SPRED1: variants seen among roughly 807,000 people sequenced by gnomAD.
The protein encoded by SPRED1 is sprouty-related, EVH1 domain-containing protein 1.
SPRED1 carries 18 observed loss-of-function variants against 52.3 expected under a neutral mutation model. The observed-to-expected ratio is 0.34, with a 90% CI of 0.24 to 0.51. The LOEUF is 0.51. SPRED1 is among the 20% of genes least tolerant of loss of function. The pLI, the probability that SPRED1 is intolerant of heterozygous loss-of-function variation, is 0.97. For missense variants in SPRED1, 485 were observed against 551.0 expected, an observed-to-expected ratio of 0.88 and a Z score of 1.20; for synonymous variants, 155 against 179.7, an observed-to-expected ratio of 0.86 and a Z score of 1.10.
At chr15:38,325,788 GACCA>G (rs1432793339) in intron 4 of SPRED1, among the ~76,000 whole-genome samples, 2 of 152,208 alleles carry the variant, frequency 1.3e-5, no homozygotes, top group East Asian at 3.9e-4. Context: ...CTTAATAGAT[GACCA>G]GTTGTGGCAT....
intron 5 of SPRED1, among the ~76,000 whole-genome samples, chr15:38,349,042 G>T (rs1474997498): frequency 2.0e-5 from 3 of 151,994 alleles, no homozygotes; most frequent in African/African-American, 7.2e-5. Flanking sequence ...ATCAGTCATT[G>T]CCCCTCCTTC....
intron 2 of SPRED1, among the ~76,000 whole-genome samples, chr15:38,309,554 T>C (rs370604069): frequency 6.6e-6 from 1 of 152,352 alleles, no homozygotes; most frequent in East Asian, 1.9e-4. Flanking sequence ...TGTCTTTTCA[T>C]CTTCTGAACA....
intron 1 of SPRED1, among the ~76,000 whole-genome samples, chr15:38,255,761 C>T (rs1330993049): frequency 6.6e-6 from 1 of 152,062 alleles, no homozygotes; most frequent in Non-Finnish European, 1.5e-5. Context: ...TGCCCTGTAA[C>T]ATGGATTTTA....
chr15:38,315,578 T>C (rs138937257), intron 2 of SPRED1, among the ~76,000 whole-genome samples: 2 of 147,194 alleles, frequency 1.4e-5, no homozygotes, highest in East Asian at 4.0e-4. Context: ...GTTTCTCCCC[T>C]TTTTTCCCCC....
chr15:38,329,635 A>G (rs1199458580), intron 4 of SPRED1, among the ~76,000 whole-genome samples: 2 of 152,206 alleles, frequency 1.3e-5, no homozygotes, highest in Non-Finnish European at 2.9e-5. Flanking sequence ...AACTTTTTGC[A>G]TAATGTTATT....
chr15:38,338,373 A>G (rs924524943), intron 4 of SPRED1, among the ~76,000 whole-genome samples: 1 of 142,518 alleles, frequency 7.0e-6, no homozygotes, highest in African/African-American at 2.6e-5. Flanking sequence ...ATTTATTTTC[A>G]GAAATCTCTG....
At chr15:38,334,344 A>G (rs1224060118) in intron 4 of SPRED1, among the ~76,000 whole-genome samples, 2 of 152,022 alleles carry the variant, frequency 1.3e-5, no homozygotes, top group Non-Finnish European at 2.9e-5. Context: ...AATACAGAGA[A>G]ACACAGAGGA....
chr15:38,256,899 C>T (rs984487185), intron 1 of SPRED1, among the ~76,000 whole-genome samples: 8 of 152,004 alleles, frequency 5.3e-5, no homozygotes, highest in African/African-American at 9.7e-5. Context: ...ATTAAGCCAT[C>T]TAATGTTTGT....
At chr15:38,309,387 C>T (rs931402666) in intron 2 of SPRED1, among the ~76,000 whole-genome samples, 3 of 152,192 alleles carry the variant, frequency 2.0e-5, no homozygotes, top group Admixed American at 6.5e-5. Flanking sequence ...GTGATCTGCC[C>T]GCCTTAGCCT....
chr15:38,287,264 T>C (rs533339719), intron 1 of SPRED1, among the ~76,000 whole-genome samples: 1 of 152,288 alleles, frequency 6.6e-6, no homozygotes, highest in East Asian at 1.9e-4. Flanking sequence ...CATTTATTTG[T>C]CTAGTTATCT....
At chr15:38,267,888 A>G (rs1224262813) in intron 1 of SPRED1, among the ~76,000 whole-genome samples, 1 of 152,210 alleles carries the variant, frequency 6.6e-6, no homozygotes, top group Non-Finnish European at 1.5e-5. Context: ...CAGTGTACAT[A>G]CACGCACGTA....
intron 5 of SPRED1, among the ~76,000 whole-genome samples, chr15:38,343,528 A>C (rs1040296885): frequency 6.6e-6 from 1 of 152,150 alleles, no homozygotes; most frequent in African/African-American, 2.4e-5. Context: ...AGTTAACGAA[A>C]TTGAAACTTG....
chr15:38,335,523 A>G (rs892046300), intron 4 of SPRED1, among the ~76,000 whole-genome samples: 6 of 148,720 alleles, frequency 4.0e-5, no homozygotes, highest in African/African-American at 1.2e-4. Flanking sequence ...CATATTCTGC[A>G]TGAATTCAGA....
At chr15:38,286,226 CAA>C (rs368405955) in intron 1 of SPRED1, among the ~76,000 whole-genome samples, 41 of 89,584 alleles carry the variant, frequency 4.6e-4, no homozygotes, top group African/African-American at 1.6e-3. Context: ...ACTCCAGCCT[CAA>C]AAAAAAAAAA....
chr15:38,329,582 T>G (rs1029352646), intron 4 of SPRED1, among the ~76,000 whole-genome samples: 1 of 152,066 alleles, frequency 6.6e-6, no homozygotes, highest in Non-Finnish European at 1.5e-5. Context: ...TTAGGTTGAG[T>G]TTTATTTATT....
At chr15:38,335,790 G>T (rs1440660012) in intron 4 of SPRED1, among the ~76,000 whole-genome samples, 2 of 151,852 alleles carry the variant, frequency 1.3e-5, no homozygotes, top group Non-Finnish European at 2.9e-5. Context: ...GAATAGAATT[G>T]ATGCTAAACC....
chr15:38,306,427 G>GT (rs1895250889), intron 2 of SPRED1, among the ~76,000 whole-genome samples: 1 of 152,134 alleles, frequency 6.6e-6, no homozygotes. Flanking sequence ...GGAAAACTGG[G>GT]TTAAAGCACC....
At chr15:38,259,185 C>T (rs964461329) in intron 1 of SPRED1, among the ~76,000 whole-genome samples, 1 of 152,152 alleles carries the variant, frequency 6.6e-6, no homozygotes, top group African/African-American at 2.4e-5. Flanking sequence ...TTAAGACTTA[C>T]TTTGGGCTTA....
In SPRED1 at chr15:38,355,311, T is replaced by A. The variant is rs186366365; in HGVS notation, c.*3647T>A. On this transcript the variant is annotated 3_prime_UTR_variant, in exon 7 of 7. Transcript: ENST00000299084. Reference sequence around the variant, plus strand: ...GGGGTTAAAATCTAAAGGGAAAAACTTGAAACTACCTATTTTCATTGGTTA... The same window carrying A: ...GGGGTTAAAATCTAAAGGGAAAAACATGAAACTACCTATTTTCATTGGTTA... 1 of 152,312 alleles carries A rather than the reference T, an allele frequency of 6.6e-6. No homozygotes were observed. Among genetic ancestry groups the A allele is most frequent in the African/African-American group, 2.4e-5 (1 of 41,454 alleles). 9.4% of individuals were successfully genotyped at this position (152,312 alleles called of 1,614,324 possible). A position where few individuals can be genotyped will look rare whatever the true frequency, so the allele number is the denominator to read the frequency against.
Sources: allele counts gnomAD v4.1 joint callset (sites outside exome capture counted in the v4.1 genomes callset), GRCh38; gene constraint gnomAD v4.1.1; transcripts MANE v1.5; gene names NCBI Gene and HGNC (gene_info 2026-07-23, HGNC 2026-07-21).